The following SIPA1L1 variants were observed in gnomAD, a reference collection of about 807,000 sequenced individuals.
SIPA1L1 encodes signal induced proliferation associated 1 like 1.
Under a neutral mutation model 162.7 loss-of-function variants are expected in SIPA1L1, and 26 were observed. The ratio of observed to expected loss-of-function variants is 0.16; its 90% CI spans 0.12 to 0.22. The LOEUF (loss-of-function observed/expected upper bound fraction) is 0.22. Among genes scored for constraint, SIPA1L1 ranks in the 10% least tolerant of loss-of-function variants. The probability of loss-of-function intolerance (pLI) is 1.00; values close to 1 mark genes in which losing one functional copy is unlikely to be tolerated. For synonymous variants in SIPA1L1, 829 were observed against 837.4 expected, an observed-to-expected ratio of 0.99 and a Z score of 0.17; for missense variants, 1,874 against 2,241.0, an observed-to-expected ratio of 0.84 and a Z score of 3.31.
chr14:71,452,174 C>CT (rs2045879209), intron 2 of SIPA1L1, among the ~76,000 whole-genome samples: 2 of 151,954 alleles, frequency 1.3e-5, no homozygotes, highest in Non-Finnish European at 1.5e-5. Context: ...AAACCCCCCC[C>CT]TCATGTTCTC....
At chr14:71,417,842 G>T (rs2042918933) in intron 2 of SIPA1L1, among the ~76,000 whole-genome samples, 2 of 152,184 alleles carry the variant, frequency 1.3e-5, no homozygotes, top group Non-Finnish European at 2.9e-5. Context: ...GTAGCTAGGG[G>T]ATGATTAGAG....
At position 71,740,012 on chromosome 14, in the gene SIPA1L1, T is replaced by C. The variant is rs1287257648; in HGVS notation, c.*851T>C. 1.3e-5 allele frequency: 2 copies of C among 152,258 alleles called. No homozygotes were observed. The highest frequency in any genetic ancestry group is 2.9e-5 in the Non-Finnish European group (2 of 68,046). 9.4% of individuals were successfully genotyped at this position (152,258 alleles called of 1,614,324 possible). A position where few individuals can be genotyped will look rare whatever the true frequency, so the allele number is the denominator to read the frequency against. On this transcript the variant is annotated 3_prime_UTR_variant, in exon 24 of 24. Transcript: ENST00000381232. Reference sequence around the variant, plus strand: ...CCCCCAAACTAAAACCTTATCTGTCTGCATTTTGAATGCATTTTGGTCAAA... The same window carrying C: ...CCCCCAAACTAAAACCTTATCTGTCCGCATTTTGAATGCATTTTGGTCAAA...
At chr14:71,462,383 G>A (rs2046669183) in intron 2 of SIPA1L1, among the ~76,000 whole-genome samples, 1 of 152,152 alleles carries the variant, frequency 6.6e-6, no homozygotes, top group African/African-American at 2.4e-5. Context: ...CAGCAGCCTG[G>A]ACCTGTTGCA....
chr14:71,446,682 G>C (rs1391474627), intron 2 of SIPA1L1, among the ~76,000 whole-genome samples: 1 of 151,994 alleles, frequency 6.6e-6, no homozygotes, highest in Non-Finnish European at 1.5e-5. Context: ...TTATATAAAT[G>C]CTTGATTGTT....
At chr14:71,468,046 G>GTC (rs1364391616) in intron 2 of SIPA1L1, among the ~76,000 whole-genome samples, 1 of 140,584 alleles carries the variant, frequency 7.1e-6, no homozygotes. Context: ...GTGTGTGTGT[G>GTC]TCTGTCTGTG....
At chr14:71,657,803 T>G (rs2043190559) in intron 8 of SIPA1L1, among the ~76,000 whole-genome samples, 1 of 152,182 alleles carries the variant, frequency 6.6e-6, no homozygotes, top group South Asian at 2.1e-4. Context: ...AAGATTTTCT[T>G]TATTTTCACT....
chr14:71,500,896 C>T (rs1326411131), intron 2 of SIPA1L1, among the ~76,000 whole-genome samples: 2 of 152,194 alleles, frequency 1.3e-5, no homozygotes, highest in Admixed American at 1.3e-4. Context: ...ATCTCAGCTA[C>T]TCAGGAGGCT....
chr14:71,478,471 C>G (rs564386815), intron 2 of SIPA1L1, among the ~76,000 whole-genome samples: 1 of 151,906 alleles, frequency 6.6e-6, no homozygotes, highest in Non-Finnish European at 1.5e-5. Context: ...TATGTTTTCT[C>G]TTAAAAGTTT....
chr14:71,500,777 C>T (rs1413734357), intron 2 of SIPA1L1, among the ~76,000 whole-genome samples: 3 of 152,118 alleles, frequency 2.0e-5, no homozygotes, highest in Non-Finnish European at 4.4e-5. Context: ...GAGGCCAAGG[C>T]GGGCGGGTCA....
chr14:71,587,968 T>C lies in SIPA1L1; in HGVS notation c.96T>C (p.Asp32=), dbSNP rs962261946. 1 of 1,614,074 alleles carries C rather than the reference T, an allele frequency of 6.2e-7. No individual in the cohort carries two copies. Among genetic ancestry groups the C allele is most frequent in the Non-Finnish European group, 8.5e-7 (1 of 1,179,970 alleles). ...GTDGTPKVHT[D]DFYMRRFRSQ... ...ACGGCACCCCCAAAGTCCACACTGA[T>C]GATTTCTACATGCGGCGCTTCCGGT... Residue 32 remains aspartate, a synonymous_variant, in exon 5 of 24, where the codon GAT becomes GAC. Transcript: ENST00000381232.
In SIPA1L1 at chr14:71,738,233, G is replaced by A. The variant is rs2085491033; in HGVS notation, c.5124-8G>A. Reference sequence around the variant, plus strand: ...CTGCCAACATGGTCTTTTGTTTCTTGTTCCCAGCAGTAAAGACTCCTCTCC... The same window carrying A: ...CTGCCAACATGGTCTTTTGTTTCTTATTCCCAGCAGTAAAGACTCCTCTCC... On this transcript the variant is annotated splice_region_variant and splice_polypyrimidine_tract_variant and intron_variant, in intron 22 of 23. Transcript: ENST00000381232. The A allele has an allele frequency of 6.8e-7, 1 of 1,464,636 alleles. No homozygotes were observed. The highest frequency in any genetic ancestry group is 1.8e-5 in the Admixed American group (1 of 56,804). The allele number at this position is 1,464,636 out of a possible 1,614,324, so 90.7% of individuals were successfully genotyped here. A position where few individuals can be genotyped will look rare whatever the true frequency, so the allele number is the denominator to read the frequency against.
chr14:71,709,680 C>T lies in SIPA1L1; in HGVS notation c.4208+16C>T, dbSNP rs768743696. 1.5e-4 allele frequency: 237 copies of T among 1,597,072 alleles called. 2 individuals are homozygous for T. Among genetic ancestry groups the T allele is most frequent in the Admixed American group, 1.4e-4 (8 of 59,134 alleles). ...CCCACACAAGGTAACCACCCTTCCC[C>T]GCTGTCTGATTCCCAGCCCAGACCT... On this transcript the variant is annotated intron_variant, in intron 17 of 23. Coordinates refer to ENST00000381232, the MANE Select transcript of SIPA1L1 (RefSeq NM_001386936.1).
At chr14:71,477,367 A>T (rs1567077281) in intron 2 of SIPA1L1, among the ~76,000 whole-genome samples, 1 of 151,966 alleles carries the variant, frequency 6.6e-6, no homozygotes, top group Non-Finnish European at 1.5e-5. Context: ...TAAGAAAAAA[A>T]CAAAACAAAA....
Position 71,407,980 on chromosome 14 carries a change from T to C in SIPA1L1, c.-465+86799T>C, listed in dbSNP as rs2140219360. Among the ~76,000 whole-genome samples, 5 of 152,288 alleles carry C rather than the reference T, an allele frequency of 3.3e-5. No homozygotes were observed. The South Asian group carries it at 1.0e-3, about 32-fold the overall frequency. ...GAAAGACTTGATTTCCTTTTAAATA[T>C]AGTCTTAGAAAAGATGAACTAAGGT... On this transcript the variant is annotated intron_variant, in intron 2 of 23. Coordinates refer to ENST00000381232, the MANE Select transcript of SIPA1L1 (RefSeq NM_001386936.1).
chr14:71,684,651 G>A (rs554774690), intron 12 of SIPA1L1, among the ~76,000 whole-genome samples: 7 of 152,054 alleles, frequency 4.6e-5, no homozygotes, highest in Non-Finnish European at 8.8e-5. Context: ...TGGTGGGGGT[G>A]TGAAGCTGCT....
intron 7 of SIPA1L1, among the ~76,000 whole-genome samples, chr14:71,637,672 C>T (rs1391403533): frequency 6.6e-6 from 1 of 151,718 alleles, no homozygotes; most frequent in Non-Finnish European, 1.5e-5. Context: ...TTCAGTGAAC[C>T]ATGGTCAAGC....
At chr14:71,676,744 G>C (rs945383508) in intron 12 of SIPA1L1, among the ~76,000 whole-genome samples, 1 of 150,008 alleles carries the variant, frequency 6.7e-6, no homozygotes, top group Non-Finnish European at 1.5e-5. Context: ...TTTTGTCCTT[G>C]TGATAGTTTG....
chr14:71,462,036 C>T (rs2046641534), intron 2 of SIPA1L1, among the ~76,000 whole-genome samples: 1 of 152,158 alleles, frequency 6.6e-6, no homozygotes, highest in Non-Finnish European at 1.5e-5. Context: ...ACGTATATAC[C>T]ACTTCCATTT....
intron 20 of SIPA1L1, 88 bp from the exon 21 acceptor site, chr14:71,733,578 A>C (rs1228355468): frequency 2.5e-5 from 33 of 1,333,244 alleles, no homozygotes; most frequent in Non-Finnish European, 3.1e-5. Flanking sequence ...AATGGCTTAC[A>C]ATCTATTGTG....
Sources: allele counts gnomAD v4.1 joint callset (sites outside exome capture counted in the v4.1 genomes callset), GRCh38; gene constraint gnomAD v4.1.1; transcripts MANE v1.5; gene names NCBI Gene and HGNC (gene_info 2026-07-23, HGNC 2026-07-21).